The following TMEM135 variants were observed in gnomAD, a reference collection of about 807,000 sequenced individuals.
The protein encoded by TMEM135 is peroxisomal membrane protein 52.
TMEM135 carries 30 observed loss-of-function variants against 60.3 expected under a neutral mutation model. That is an observed-to-expected ratio of 0.50 (90% CI 0.37 to 0.68). TMEM135 has a LOEUF of 0.68. Ranked by LOEUF, TMEM135 falls within the 30% of genes least tolerant of loss-of-function variation. The pLI, the probability that TMEM135 is intolerant of heterozygous loss-of-function variation, is 0.00. For synonymous variants in TMEM135, 190 were observed against 186.7 expected (o/e 1.02, Z -0.14); for missense variants, 468 against 548.8 (o/e 0.85, Z 1.47).
intron 5 of TMEM135, among the ~76,000 whole-genome samples, chr11:87,174,030 T>G (rs1176701013): frequency 1.3e-5 from 2 of 152,186 alleles, no homozygotes; most frequent in Non-Finnish European, 2.9e-5. Flanking sequence ...TAGAAAAAAC[T>G]GACTTGTACA....
intron 6 of TMEM135, among the ~76,000 whole-genome samples, chr11:87,256,433 G>T (rs1234120435): frequency 6.6e-6 from 1 of 152,162 alleles, no homozygotes; most frequent in African/African-American, 2.4e-5. Context: ...ATACCTTAAA[G>T]AATTAACTTT....
At chr11:87,099,530 A>C (rs1232919661) in intron 4 of TMEM135, among the ~76,000 whole-genome samples, 1 of 151,908 alleles carries the variant, frequency 6.6e-6, no homozygotes, top group Admixed American at 6.6e-5. Flanking sequence ...TCCTGTTGTC[A>C]CCCCTCCTTA....
intron 6 of TMEM135, among the ~76,000 whole-genome samples, chr11:87,254,024 G>A (rs1442082726): frequency 6.6e-6 from 1 of 152,012 alleles, no homozygotes; most frequent in Non-Finnish European, 1.5e-5. Flanking sequence ...TGAGCAAGAA[G>A]GGTGTCTTAT....
At chr11:87,308,683 T>C (rs1942591888) in intron 9 of TMEM135, among the ~76,000 whole-genome samples, 4 of 152,218 alleles carry the variant, frequency 2.6e-5, no homozygotes, top group Admixed American at 2.6e-4. Context: ...TTTTTGTTAA[T>C]GTTTTATGCT....
At chr11:87,097,450 C>T (rs1857355722) in intron 4 of TMEM135, among the ~76,000 whole-genome samples, 1 of 152,142 alleles carries the variant, frequency 6.6e-6, no homozygotes, top group African/African-American at 2.4e-5. Flanking sequence ...TAGTGCTGTT[C>T]ATCACAAGGT....
intron 5 of TMEM135, among the ~76,000 whole-genome samples, chr11:87,229,785 A>G (rs1940849851): frequency 6.6e-6 from 1 of 152,184 alleles, no homozygotes; most frequent in African/African-American, 2.4e-5. Context: ...ATGTGTATCT[A>G]TGTACAAAGG....
In TMEM135 at chr11:87,323,293, G is replaced by C. The variant is rs1442417223; in HGVS notation, c.*1960G>C. 2.2e-6 allele frequency: 1 copy of C among 453,914 alleles called. No individual in the cohort carries two copies. Among genetic ancestry groups the C allele is most frequent in the African/African-American group, 2.0e-5 (1 of 50,108 alleles). 28.1% of individuals were successfully genotyped at this position (453,914 alleles called of 1,614,324 possible). On this transcript the variant is annotated 3_prime_UTR_variant, in exon 15 of 15. Transcript: ENST00000305494. The stretch of plus-strand genomic sequence containing the variant: ...AAAATGAAATAGCTATCATGAAGCA[G>C]AATACAATGATGAATGTATAGGTTG...
intron 5 of TMEM135, among the ~76,000 whole-genome samples, chr11:87,167,636 C>A (rs559918919): frequency 6.6e-6 from 1 of 152,098 alleles, no homozygotes; most frequent in Admixed American, 6.6e-5. Flanking sequence ...GTTGAACCAG[C>A]CTTGCATCCC....
intron 7 of TMEM135, among the ~76,000 whole-genome samples, chr11:87,298,220 A>G (rs940922957): frequency 1.3e-5 from 2 of 152,186 alleles, no homozygotes; most frequent in Non-Finnish European, 2.9e-5. Context: ...TTTTTGTAGC[A>G]CAATTTAATA....
chr11:87,069,728 A>T (rs1178364520), intron 2 of TMEM135, among the ~76,000 whole-genome samples: 3 of 152,208 alleles, frequency 2.0e-5, no homozygotes, highest in African/African-American at 7.2e-5. Flanking sequence ...CATTTTTCTT[A>T]AGATTTTACA....
At chr11:87,083,846 A>G (rs1857042051) in intron 3 of TMEM135, among the ~76,000 whole-genome samples, 1 of 152,170 alleles carries the variant, frequency 6.6e-6, no homozygotes, top group Admixed American at 6.5e-5. Context: ...ATACCTTGAA[A>G]GATTTTCTGA....
chr11:87,185,939 A>ATTTTTTTT (rs1939642971), intron 5 of TMEM135, among the ~76,000 whole-genome samples: 1 of 118,114 alleles, frequency 8.5e-6, no homozygotes. Flanking sequence ...ACAGAGGTTC[A>ATTTTTTTT]TTCTGTCACC....
chr11:87,260,032 C>A (rs1941616100), intron 6 of TMEM135, among the ~76,000 whole-genome samples: 1 of 152,108 alleles, frequency 6.6e-6, no homozygotes, highest in Non-Finnish European at 1.5e-5. Context: ...CAGCTTAGGA[C>A]CTCTGAATCT....
chr11:87,294,228 G>C (rs1006735375), intron 6 of TMEM135, among the ~76,000 whole-genome samples: 4 of 152,050 alleles, frequency 2.6e-5, no homozygotes, highest in Admixed American at 6.5e-5. Context: ...ACATCTCTGG[G>C]CATGTGGATT....
chr11:87,168,876 G>A (rs376031657), intron 5 of TMEM135, among the ~76,000 whole-genome samples: 16 of 151,960 alleles, frequency 1.1e-4, no homozygotes, highest in African/African-American at 2.9e-4. Flanking sequence ...TTTCTGTCTC[G>A]TTGATCTAAT....
intron 4 of TMEM135, among the ~76,000 whole-genome samples, chr11:87,145,525 C>G (rs186588010): frequency 6.6e-6 from 1 of 151,828 alleles, no homozygotes; most frequent in Non-Finnish European, 1.5e-5. Flanking sequence ...CCATAATGCC[C>G]GTACTAATTT....
intron 5 of TMEM135, among the ~76,000 whole-genome samples, chr11:87,197,664 A>G (rs776948330): frequency 6.6e-6 from 1 of 152,132 alleles, no homozygotes; most frequent in South Asian, 2.1e-4. Flanking sequence ...GCAAAAAAAA[A>G]ATGTCACTTG....
intron 5 of TMEM135, among the ~76,000 whole-genome samples, chr11:87,203,279 T>C (rs1340239688): frequency 2.0e-5 from 3 of 151,334 alleles, no homozygotes; most frequent in Admixed American, 2.0e-4. Context: ...TTTGGATGAA[T>C]GTATAATGAC....
At chr11:87,174,748 A>G (rs1368293209) in intron 5 of TMEM135, among the ~76,000 whole-genome samples, 2 of 152,166 alleles carry the variant, frequency 1.3e-5, no homozygotes, top group African/African-American at 4.8e-5. Context: ...AGGTCCTCCA[A>G]TCATATCCCT....
Sources: allele counts gnomAD v4.1 joint callset (sites outside exome capture counted in the v4.1 genomes callset), GRCh38; gene constraint gnomAD v4.1.1; transcripts MANE v1.5; gene names NCBI Gene and HGNC (gene_info 2026-07-23, HGNC 2026-07-21).